Variants in COPS7B observed in about 807,000 individuals in gnomAD.
COPS7B encodes COP9 signalosome complex subunit 7b.
In COPS7B, 9 loss-of-function variants were observed where a neutral mutation model predicts 33.4. The ratio of observed to expected loss-of-function variants is 0.27; its 90% CI spans 0.16 to 0.47. The LOEUF is 0.47. Among genes scored for constraint, COPS7B ranks in the 20% least tolerant of loss-of-function variants. The pLI, the probability that COPS7B is intolerant of heterozygous loss-of-function variation, is 0.99. For synonymous variants in COPS7B, 119 were observed against 126.3 expected, an observed-to-expected ratio of 0.94 and a Z score of 0.39; for missense variants, 242 against 318.2, an observed-to-expected ratio of 0.76 and a Z score of 1.82.
At chr2:231,801,866 C>T (rs551986076) in intron 6 of COPS7B, among the ~76,000 whole-genome samples, 25 of 152,100 alleles carry the variant, frequency 1.6e-4, no homozygotes, top group Non-Finnish European at 2.9e-4. Context: ...CCTCCGCCTC[C>T]TGGGTTCAAG....
chr2:231,802,114 T>A (rs2049768237), intron 6 of COPS7B, among the ~76,000 whole-genome samples: 1 of 152,168 alleles, frequency 6.6e-6, no homozygotes, highest in South Asian at 2.1e-4. Context: ...TGTCTGATGT[T>A]AGGTGGAATG....
At position 231,807,835 on chromosome 2, in the gene COPS7B, G is replaced by T. The variant is rs951663278; in HGVS notation, c.*190G>T. On this transcript the variant is annotated 3_prime_UTR_variant, in exon 7 of 7. Transcript: ENST00000350033. ...CCCTCACCCACTCCCTCCTTCCCCA[G>T]TTGTTCCCTTCAGACTCAGGGGCTC... is the stretch of plus-strand genomic sequence containing the variant. 5 of 542,310 alleles carry T rather than the reference G, an allele frequency of 9.2e-6. No individual in the cohort carries two copies. Among genetic ancestry groups the T allele is most frequent in the Non-Finnish European group, 1.6e-5 (5 of 310,102 alleles). The allele number at this position is 542,310 out of a possible 1,614,324, so 33.6% of individuals were successfully genotyped here. A position where few individuals can be genotyped will look rare whatever the true frequency, so the allele number is the denominator to read the frequency against.
At position 231,796,168 on chromosome 2, in the gene COPS7B, C is replaced by T; in HGVS notation, c.390C>T (p.Asp130=). The change falls in exon 5 of 7, where the codon GAC becomes GAT. Residue 130 remains aspartate, a synonymous_variant. Transcript: ENST00000350033. ...LEMRNLRELE[D]LIIEAVYTDI... is the part of the protein sequence containing the mutation. The stretch of plus-strand genomic sequence containing the variant: ...TGCGGAATCTCCGGGAACTAGAAGA[C>T]CTTATCATTGAGGCTGTCTACACTG... The T allele has an allele frequency of 6.2e-7, 1 of 1,614,124 alleles. No homozygotes were observed. The highest frequency in any genetic ancestry group is 8.5e-7 in the Non-Finnish European group (1 of 1,180,006).
At chr2:231,789,064 A>G (rs1420333470) in intron 2 of COPS7B, 1 of 225,792 alleles carries the variant, frequency 4.4e-6, no homozygotes, top group Non-Finnish European at 8.9e-6. Context: ...AGGACCAGAA[A>G]CCTCCAGTGC....
intron 6 of COPS7B, among the ~76,000 whole-genome samples, chr2:231,806,994 A>AC (rs2106349948): frequency 6.6e-6 from 1 of 152,344 alleles, no homozygotes; most frequent in South Asian, 2.1e-4. Context: ...AGAAAGCTAT[A>AC]CTGCACACGG....
At chr2:231,801,075 C>T (rs2049731108) in intron 6 of COPS7B, 1 of 1,415,174 alleles carries the variant, frequency 7.1e-7, no homozygotes, top group Non-Finnish European at 9.8e-7. Flanking sequence ...TACCCTTGGC[C>T]TAACTTTTAA....
At chr2:231,792,586 A>C (rs1373804542) in intron 3 of COPS7B, among the ~76,000 whole-genome samples, 1 of 152,198 alleles carries the variant, frequency 6.6e-6, no homozygotes, top group African/African-American at 2.4e-5. Flanking sequence ...TTTGTATTAC[A>C]TAGGTACAAC....
upstream of COPS7B, among the ~76,000 whole-genome samples, chr2:231,783,275 C>A (rs999584851): frequency 1.3e-5 from 2 of 152,204 alleles, no homozygotes; most frequent in African/African-American, 4.8e-5. Context: ...TAGACACTTG[C>A]ACACATTTCT....
At chr2:231,802,159 G>A (rs2049769094) in intron 6 of COPS7B, among the ~76,000 whole-genome samples, 1 of 152,186 alleles carries the variant, frequency 6.6e-6, no homozygotes, top group African/African-American at 2.4e-5. Context: ...TACAAAGTAG[G>A]CTGTGTTCCA....
intron 6 of COPS7B, among the ~76,000 whole-genome samples, chr2:231,799,950 A>C (rs575190547): frequency 6.6e-6 from 1 of 152,214 alleles, no homozygotes; most frequent in East Asian, 1.9e-4. Flanking sequence ...TCTCATGCCT[A>C]ACCCATAGTA....
At chr2:231,788,857 TTGG>T in intron 2 of COPS7B, 125 bp downstream of exon 2, 1 of 808,332 alleles carries the variant, frequency 1.2e-6, no homozygotes, top group Non-Finnish European at 1.9e-6. Context: ...CAGATGGGAA[TTGG>T]TGGGGCAGAG....
chr2:231,796,954 G>A (rs2049589749), intron 5 of COPS7B, among the ~76,000 whole-genome samples: 1 of 152,224 alleles, frequency 6.6e-6, no homozygotes, highest in Admixed American at 6.5e-5. Flanking sequence ...ATATTTGTAA[G>A]AGCTGTCTCA....
In COPS7B at chr2:231,808,798, G is replaced by GGGGTGT. The variant is rs1553564811; in HGVS notation, c.*1154_*1155insGGTGTG. The GGGGTGT allele has an allele frequency of 1.7e-4, 13 of 75,802 alleles. No homozygotes were observed. Among genetic ancestry groups the GGGGTGT allele is most frequent in the East Asian group, 5.0e-4 (1 of 1,984 alleles). The allele number at this position is 75,802 out of a possible 1,614,324, so 4.7% of individuals were successfully genotyped here. ...TGGTTGGAGGGTGGGGGTGGGGTGG[G>GGGGTGT]GTGTGTGTGTGTGTGTGTGTGTGTG... is the stretch of plus-strand genomic sequence containing the variant. On this transcript the variant is annotated 3_prime_UTR_variant, in exon 7 of 7. Coordinates refer to ENST00000350033, the MANE Select transcript of COPS7B (RefSeq NM_022730.4).
intron 2 of COPS7B, 68 bp from the exon 3 acceptor site, chr2:231,791,665 C>A: frequency 7.4e-7 from 1 of 1,344,072 alleles, no homozygotes; most frequent in Non-Finnish European, 1.1e-6. Flanking sequence ...CTCACCCGTC[C>A]TCTGTTTGAA....
intron 1 of COPS7B, 82 bp downstream of exon 1, chr2:231,786,620 A>G (rs1212780338): frequency 5.7e-6 from 4 of 701,270 alleles, no homozygotes; most frequent in South Asian, 6.3e-5. Flanking sequence ...CCCGCCGCCA[A>G]GGAAGCCCGC....
chr2:231,782,351 T>C, upstream of COPS7B, among the ~76,000 whole-genome samples: 1 of 152,328 alleles, frequency 6.6e-6, no homozygotes, highest in South Asian at 2.1e-4. Context: ...GGGAGTGTGA[T>C]ATTTATTTAT....
chr2:231,791,313 AC>A (rs1466938403), intron 2 of COPS7B: 1 of 180,484 alleles, frequency 5.5e-6, no homozygotes, highest in African/African-American at 2.4e-5. Flanking sequence ...GAAACTTGGA[AC>A]CAACCCTGAG....
upstream of COPS7B, among the ~76,000 whole-genome samples, chr2:231,782,148 C>T (rs1318137414): frequency 6.6e-6 from 1 of 152,228 alleles, no homozygotes; most frequent in Non-Finnish European, 1.5e-5. Context: ...CCACAGATCA[C>T]AGCAAGTTCG....
chr2:231,806,974 G>A (rs1032516602), intron 6 of COPS7B, among the ~76,000 whole-genome samples: 15 of 152,198 alleles, frequency 9.9e-5, no homozygotes, highest in African/African-American at 3.4e-4. Context: ...TCTGTATTTT[G>A]TTAAGTGAAA....
Sources: allele counts gnomAD v4.1 joint callset (sites outside exome capture counted in the v4.1 genomes callset), GRCh38; gene constraint gnomAD v4.1.1; transcripts MANE v1.5; gene names NCBI Gene and HGNC (gene_info 2026-07-23, HGNC 2026-07-21).